The following WLS variants were observed in gnomAD, a reference collection of about 807,000 sequenced individuals.
The protein encoded by WLS is protein wntless homolog.
Under a neutral mutation model 62.8 loss-of-function variants are expected in WLS, and 23 were observed. The observed-to-expected ratio is 0.37, with a 90% CI of 0.26 to 0.52. The LOEUF (loss-of-function observed/expected upper bound fraction) is 0.52. Ranked by LOEUF, WLS falls within the 20% of genes least tolerant of loss-of-function variation. The pLI is 0.92. For missense variants in WLS, 615 were observed against 697.3 expected (o/e 0.88, Z 1.33); for synonymous variants, 246 against 244.1 (o/e 1.01, Z -0.07).
At chr1:68,148,525 GCA>G (rs1469686209) in intron 7 of WLS, 36 bp downstream of exon 7, 2 of 1,593,724 alleles carry the variant, frequency 1.3e-6, no homozygotes, top group African/African-American at 2.7e-5. Flanking sequence ...GCGTGGTGAT[GCA>G]CAGTTTGGCT....
intron 1 of WLS, among the ~76,000 whole-genome samples, chr1:68,230,979 C>T (rs1650384826): frequency 6.6e-6 from 1 of 152,200 alleles, no homozygotes; most frequent in African/African-American, 2.4e-5. Context: ...CGCGTGGGCG[C>T]CCGTAAAGGC....
chr1:68,194,089 G>A lies in WLS; in HGVS notation c.245C>T (p.Pro82Leu), dbSNP rs769435154. Residue 82 changes from proline (P) to leucine (L), a missense_variant, in exon 2 of 12, where the codon CCA becomes CTA. By Grantham distance (98) the Pro-to-Leu change is moderately conservative. Transcript: ENST00000262348. The part of the protein sequence containing the change: ...DKIRDIEEAI[P>L]REIEANDIVF... ...GATGTCATTGGCTTCAATTTCCCTT[G>A]GAATTGCCTCTTCAATGTCTCGGAT... is the stretch of plus-strand genomic sequence containing the variant. The A allele has an allele frequency of 1.2e-6, 2 of 1,614,122 alleles. No homozygotes were observed. Among genetic ancestry groups the A allele is most frequent in the Middle Eastern group, 1.6e-4 (1 of 6,062 alleles).
intron 5 of WLS, among the ~76,000 whole-genome samples, chr1:68,151,052 A>G (rs187260517): frequency 6.6e-6 from 1 of 152,368 alleles, no homozygotes; most frequent in African/African-American, 2.4e-5. Context: ...TACAGTTAGT[A>G]GAGGAGCCAG....
At chr1:68,170,206 C>A (rs1162413090) in intron 2 of WLS, among the ~76,000 whole-genome samples, 2 of 129,396 alleles carry the variant, frequency 1.5e-5, no homozygotes, top group Non-Finnish European at 3.1e-5. Context: ...GCTCTTCTTG[C>A]CCAGGCTGGA....
At chr1:68,157,264 T>TG (rs1218391968) in intron 3 of WLS, among the ~76,000 whole-genome samples, 1 of 152,214 alleles carries the variant, frequency 6.6e-6, no homozygotes, top group Non-Finnish European at 1.5e-5. Flanking sequence ...TCCCCCACGA[T>TG]GGGTCTCTGG....
chr1:68,153,627 G>A lies in WLS; in HGVS notation c.693C>T (p.Thr231=). ...AGGTCTTCATGGCAAACCACACCTT[G>A]GTGAAGCCTCCATTTTGGTGGATCC... is the stretch of plus-strand genomic sequence containing the variant. ...LVGIHQNGGF[T]KVWFAMKTFL... The change falls in exon 5 of 12, where the codon ACC becomes ACT. Residue 231 remains threonine (T), a synonymous_variant. Transcript: ENST00000262348. 1 of 1,614,184 alleles carries A rather than the reference G, an allele frequency of 6.2e-7. No homozygotes were observed. The highest frequency in any genetic ancestry group is 8.5e-7 in the Non-Finnish European group (1 of 1,180,032).
At chr1:68,230,569 CCGTGTGTGTGTGTGCGCG>C (rs906838993) in intron 1 of WLS, among the ~76,000 whole-genome samples, 2 of 124,882 alleles carry the variant, frequency 1.6e-5, no homozygotes, top group African/African-American at 5.7e-5. Flanking sequence ...AAAAGCCAAC[CCGTGTGTGTGTGTGCGCG>C]CGTGTGTGTG....
At chr1:68,207,183 G>C (rs1408724699) in intron 1 of WLS, among the ~76,000 whole-genome samples, 1 of 152,116 alleles carries the variant, frequency 6.6e-6, no homozygotes, top group Admixed American at 6.5e-5. Flanking sequence ...TGAGAAGGTA[G>C]GTCTAATCCA....
rs532373643 is a variant in WLS, at chr1:68,134,964, G to T, written c.1516+2816C>A. On this transcript the variant is annotated intron_variant, in intron 11 of 11. Coordinates refer to ENST00000262348, the MANE Select transcript of WLS (RefSeq NM_024911.7). ...TCCTGCCTCTGCAGGGTTGGCCACA[G>T]CTCTGGGCTCCCACTTGCTGAACAG... 3.7e-4 allele frequency among the ~76,000 whole-genome samples: 56 copies of T among 152,320 alleles called. No homozygotes were observed. The South Asian group carries it at 0.011, about 29-fold the overall frequency.
intron 2 of WLS, among the ~76,000 whole-genome samples, chr1:68,176,979 C>T (rs1315289570): frequency 6.6e-6 from 1 of 152,188 alleles, no homozygotes; most frequent in Non-Finnish European, 1.5e-5. Flanking sequence ...TAACTCTTGT[C>T]CTGATCTTTT....
At chr1:68,149,327 C>G (rs957979093) in intron 6 of WLS, among the ~76,000 whole-genome samples, 3 of 152,272 alleles carry the variant, frequency 2.0e-5, no homozygotes, top group African/African-American at 4.8e-5. Context: ...TCCACTCCCC[C>G]GCCCTGCTGC....
intron 2 of WLS, among the ~76,000 whole-genome samples, chr1:68,176,091 CA>C (rs1032279596): frequency 9.2e-5 from 14 of 152,270 alleles, no homozygotes; most frequent in South Asian, 2.1e-4. Flanking sequence ...CAGCCAGGGA[CA>C]AAAATAATAT....
At chr1:68,149,010 A>T (rs1388549373) in intron 6 of WLS, among the ~76,000 whole-genome samples, 1 of 152,190 alleles carries the variant, frequency 6.6e-6, no homozygotes, top group Non-Finnish European at 1.5e-5. Flanking sequence ...GTGACTTGTA[A>T]CTTGTGTTTA....
At chr1:68,170,516 T>C (rs1297841755) in intron 2 of WLS, among the ~76,000 whole-genome samples, 12 of 152,110 alleles carry the variant, frequency 7.9e-5, no homozygotes, top group Admixed American at 7.9e-4. Context: ...ACACCTGCTG[T>C]ACTCAGGGTC....
intron 11 of WLS, among the ~76,000 whole-genome samples, chr1:68,115,443 C>T (rs972868960): frequency 2.6e-5 from 4 of 152,216 alleles, no homozygotes; most frequent in Non-Finnish European, 4.4e-5. Flanking sequence ...TTCAGTTTAA[C>T]ATTCCCTCCC....
chr1:68,227,545 CTTT>C (rs1284284254), intron 1 of WLS, among the ~76,000 whole-genome samples: 2 of 151,562 alleles, frequency 1.3e-5, no homozygotes, highest in Non-Finnish European at 2.9e-5. Flanking sequence ...ATTGAAAACT[CTTT>C]TTAAGAGTTT....
chr1:68,231,271 G>A (rs1356522279), intron 1 of WLS, among the ~76,000 whole-genome samples: 1 of 152,152 alleles, frequency 6.6e-6, no homozygotes, highest in East Asian at 1.9e-4. Context: ...AGAGGTCCGG[G>A]AGGTGCACGC....
intron 11 of WLS, among the ~76,000 whole-genome samples, chr1:68,114,082 G>A (rs17130483): frequency 0.014 from 2,083 of 152,272 alleles, 56 homozygotes; most frequent in African/African-American, 0.048. Context: ...TGGCATTCCC[G>A]GATTCAACTT....
chr1:68,207,760 TAA>T (rs2100640254), intron 1 of WLS, among the ~76,000 whole-genome samples: 1 of 152,344 alleles, frequency 6.6e-6, no homozygotes, highest in Non-Finnish European at 1.5e-5. Flanking sequence ...TTCCCTTTTG[TAA>T]AAGTGTACTA....
Sources: allele counts gnomAD v4.1 joint callset (sites outside exome capture counted in the v4.1 genomes callset), GRCh38; gene constraint gnomAD v4.1.1; transcripts MANE v1.5; gene names NCBI Gene and HGNC (gene_info 2026-07-23, HGNC 2026-07-21).